Variants in CTRB1 observed in about 807,000 individuals in gnomAD.
CTRB1 encodes chymotrypsinogen B1.
A neutral mutation model predicts 20.4 loss-of-function variants in CTRB1; 15 were observed. The ratio of observed to expected loss-of-function variants is 0.74; its 90% CI spans 0.49 to 1.13. The LOEUF is 1.13. Ranked by LOEUF, CTRB1 falls within the 50% of genes most tolerant of loss-of-function variation. CTRB1 has a pLI of 0.00. For synonymous variants in CTRB1, 92 were observed against 128.4 expected (o/e 0.72, Z 1.92); for missense variants, 227 against 290.1 (o/e 0.78, Z 1.58).
chr16:75,224,721 C>T lies in CTRB1; in HGVS notation c.647C>T (p.Pro216Leu). ...CTCCCACAGGGCGACTCTGGCGGCC[C>T]CCTGGTCTGCCAAAAGGATGGAGCC... is the stretch of plus-strand genomic sequence containing the variant. ...VSSCMGDSGG[P>L]LVCQKDGAWT... The change falls in exon 7 of 7, where the codon CCC becomes CTC. Residue 216 changes from proline (P) to leucine (L), a missense_variant. By Grantham distance (98) the Pro-to-Leu change is moderately conservative (BLOSUM62 -3). Coordinates refer to ENST00000361017, the MANE Select transcript of CTRB1 (RefSeq NM_001906.6). 3 of 1,612,052 alleles carry T rather than the reference C, an allele frequency of 1.9e-6. No homozygotes were observed. Among genetic ancestry groups the T allele is most frequent in the Non-Finnish European group, 2.5e-6 (3 of 1,179,426 alleles).
Position 75,222,759 on chromosome 16 carries a change from C to G in CTRB1, c.53-9C>G, listed in dbSNP as rs375754863. On this transcript the variant is annotated splice_polypyrimidine_tract_variant and intron_variant, in intron 1 of 6. Transcript: ENST00000361017. ...GGCCTCAGCCCTTATTCACCCCACT[C>G]CCCCCCAGGCTGCGGGGTCCCCGCC... 31 of 1,553,646 alleles carry G rather than the reference C, an allele frequency of 2.0e-5. No homozygotes were observed. In the African/African-American group the frequency reaches 3.8e-4, roughly 19 times the overall value.
At chr16:75,219,693 A>G (rs1281806482) in intron 1 of CTRB1, among the ~76,000 whole-genome samples, 1 of 152,072 alleles carries the variant, frequency 6.6e-6, no homozygotes, top group Non-Finnish European at 1.5e-5. Context: ...CGTGTTTTCT[A>G]TTTTTTAAAA....
chr16:75,219,466 AC>A (rs950078843), intron 1 of CTRB1, among the ~76,000 whole-genome samples: 2 of 150,050 alleles, frequency 1.3e-5, no homozygotes, highest in Non-Finnish European at 3.0e-5. Flanking sequence ...ATCTCCACTT[AC>A]TGCAACCTCC....
At chr16:75,224,330 A>G (rs1485071716) in intron 6 of CTRB1, 142 bp downstream of exon 6, 246 of 1,448,536 alleles carry the variant, frequency 1.7e-4, no homozygotes, top group South Asian at 1.3e-5. Flanking sequence ...TCCATGGCCA[A>G]TGTCAGAGCC....
chr16:75,222,747 A>T, intron 1 of CTRB1, 21 bp from the exon 2 acceptor site: 1 of 1,551,286 alleles, frequency 6.4e-7, no homozygotes, highest in Non-Finnish European at 8.7e-7. Context: ...CTCAGCCCTT[A>T]TTCACCCCAC....
rs1293920190 is a variant in CTRB1, at chr16:75,224,741, G to T, written c.667G>T (p.Gly223Ter). The change falls in exon 7 of 7, where the codon GGA becomes TGA. Residue 223 changes from glycine (G) to a stop codon, truncating the protein, a stop_gained. Coordinates refer to ENST00000361017, the MANE Select transcript of CTRB1 (RefSeq NM_001906.6). LOFTEE classifies it low-confidence loss of function (END_TRUNC). ...SGGPLVCQKDGAWTLVGIVSW... is the reference protein window; with the variant it reads ...SGGPLVCQKD ...CGGCCCCCTGGTCTGCCAAAAGGATGGAGCCTGGACCCTGGTGGGCATTGT... is the reference window on the plus strand; with the variant it reads ...CGGCCCCCTGGTCTGCCAAAAGGATTGAGCCTGGACCCTGGTGGGCATTGT... The T allele has an allele frequency of 2.5e-6, 4 of 1,613,222 alleles. No individual in the cohort carries two copies. In the Admixed American group the frequency reaches 5.0e-5, roughly 20 times the overall value.
intron 1 of CTRB1, among the ~76,000 whole-genome samples, chr16:75,219,399 T>C (rs545893130): frequency 2.0e-4 from 30 of 151,994 alleles, no homozygotes; most frequent in African/African-American, 7.0e-4. Flanking sequence ...TTCTTTCTTT[T>C]TTTTTTTTCG....
At chr16:75,220,048 G>C (rs1327217174) in intron 1 of CTRB1, among the ~76,000 whole-genome samples, 24 of 152,222 alleles carry the variant, frequency 1.6e-4, no homozygotes. Context: ...CTGGAGTGCA[G>C]TAGTGTGAGT....
At chr16:75,219,192 C>T in intron 1 of CTRB1, 133 bp downstream of exon 1, 1 of 863,252 alleles carries the variant, frequency 1.2e-6, no homozygotes, top group East Asian at 2.7e-5. Context: ...GGAGAGGGTG[C>T]ATTCTGGGGC....
chr16:75,222,736 C>A, intron 1 of CTRB1, 32 bp from the exon 2 acceptor site: 5 of 1,544,034 alleles, frequency 3.2e-6, no homozygotes, highest in Non-Finnish European at 4.4e-6. Flanking sequence ...GGGTTTGGGG[C>A]CTCAGCCCTT....
intron 1 of CTRB1, among the ~76,000 whole-genome samples, chr16:75,220,782 G>C (rs10871306): frequency 0.66 from 100,385 of 151,620 alleles, 33,846 homozygotes; most frequent in East Asian, 0.75. Flanking sequence ...TTTTTAGATG[G>C]AGTTTCACAC....
At position 75,222,064 on chromosome 16, in the gene CTRB1, G is replaced by GA. The variant is rs71158588; in HGVS notation, c.53-682dup. Among the ~76,000 whole-genome samples, 317 of 108,576 alleles carry GA rather than the reference G, an allele frequency of 2.9e-3. 3 individuals carry two copies. The highest frequency in any genetic ancestry group is 6.2e-3 in the African/African-American group (175 of 28,010). 71.2% of individuals were successfully genotyped at this position (108,576 alleles called of 152,430 possible). ...CAACAGAGCAAGACTGTCTCAAAAAGAAAAAAAAAAAAAAAAAAAAAAGGA... is the reference window on the plus strand; with the variant it reads ...CAACAGAGCAAGACTGTCTCAAAAAGAAAAAAAAAAAAAAAAAAAAAAAGGA... On this transcript the variant is annotated intron_variant, in intron 1 of 6. Transcript: ENST00000361017.
At chr16:75,221,280 G>T (rs1320996624) in intron 1 of CTRB1, among the ~76,000 whole-genome samples, 2 of 152,208 alleles carry the variant, frequency 1.3e-5, no homozygotes, top group African/African-American at 4.8e-5. Context: ...GGCGTGTGTG[G>T]AACACCTGAC....
rs976391850 is a variant in CTRB1, at chr16:75,219,068, T to C, written c.52+9T>C. On this transcript the variant is annotated intron_variant, in intron 1 of 6. Transcript: ENST00000361017. ...TGTGGGGGCCGCCTTTGGTGAGTGC[T>C]GGTGCCCGAGGGGTCTGTCCTGAGG... 6.3e-7 allele frequency: 1 copy of C among 1,584,646 alleles called. No homozygotes were observed. Among genetic ancestry groups the C allele is most frequent in the Non-Finnish European group, 8.6e-7 (1 of 1,166,666 alleles).
At chr16:75,220,641 T>G (rs57681862) in intron 1 of CTRB1, among the ~76,000 whole-genome samples, 5,239 of 152,338 alleles carry the variant, frequency 0.034, 330 homozygotes, top group African/African-American at 0.12. Flanking sequence ...ACAATGTGCT[T>G]TTTCCCTACT....
At chr16:75,221,351 C>T (rs990177215) in intron 1 of CTRB1, among the ~76,000 whole-genome samples, 5 of 151,934 alleles carry the variant, frequency 3.3e-5, no homozygotes, top group Non-Finnish European at 5.9e-5. Context: ...AAGTAAAGTC[C>T]AGCTGTGTTT....
At chr16:75,222,008 C>T (rs896747054) in intron 1 of CTRB1, among the ~76,000 whole-genome samples, 2 of 147,732 alleles carry the variant, frequency 1.4e-5, no homozygotes, top group Non-Finnish European at 3.0e-5. Flanking sequence ...TTGCAGTGAG[C>T]CAAGATTGTG....
At chr16:75,221,452 C>T (rs920753673) in intron 1 of CTRB1, among the ~76,000 whole-genome samples, 1 of 152,124 alleles carries the variant, frequency 6.6e-6, no homozygotes, top group Non-Finnish European at 1.5e-5. Context: ...CTCTGTCCCC[C>T]AGGTTCAAGC....
At chr16:75,219,227 C>T (rs1189418931) in intron 1 of CTRB1, among the ~76,000 whole-genome samples, 168 bp downstream of exon 1, 1 of 152,130 alleles carries the variant, frequency 6.6e-6, no homozygotes, top group East Asian at 1.9e-4. Flanking sequence ...CAACCTGCTC[C>T]AGGAGTGGGA....
Sources: gnomAD v4.1 joint callset for allele counts (sites outside exome capture counted in the v4.1 genomes callset) on GRCh38, gnomAD v4.1.1 for gene constraint, MANE v1.5 for transcripts, NCBI Gene and HGNC (gene_info 2026-07-23, HGNC 2026-07-21) for gene names.